The following CDIN1 variants were observed in gnomAD, a reference collection of about 807,000 sequenced individuals.
The protein encoded by CDIN1 is CDAN1-interacting nuclease 1.
In CDIN1, 33 loss-of-function variants were observed where a neutral mutation model predicts 45.3. The observed-to-expected ratio is 0.73, with a 90% CI of 0.55 to 0.97. CDIN1 has a LOEUF of 0.97. CDIN1 is among the 50% of genes least tolerant of loss of function. CDIN1 has a pLI of 0.00. For missense variants in CDIN1, 303 were observed against 339.4 expected (o/e 0.89, Z 0.84); for synonymous variants, 118 against 124.4 (o/e 0.95, Z 0.34).
intron 10 of CDIN1, among the ~76,000 whole-genome samples, chr15:36,741,711 C>T (rs2044245979): frequency 6.6e-6 from 1 of 151,168 alleles, no homozygotes; most frequent in African/African-American, 2.5e-5. Flanking sequence ...CTTCCTGTGT[C>T]TTCACATCAT....
At chr15:36,592,549 A>G (rs1354718046) in intron 1 of CDIN1, among the ~76,000 whole-genome samples, 3 of 152,198 alleles carry the variant, frequency 2.0e-5, no homozygotes, top group African/African-American at 4.8e-5. Context: ...AGAGACTCAC[A>G]CTACTACCAT....
At chr15:36,582,299 A>G (rs770496106) in intron 1 of CDIN1, among the ~76,000 whole-genome samples, 1 of 152,250 alleles carries the variant, frequency 6.6e-6, no homozygotes, top group Non-Finnish European at 1.5e-5. Context: ...CTGGGAGGCA[A>G]CCATCATACT....
chr15:36,633,476 T>C (rs983611683), intron 1 of CDIN1, among the ~76,000 whole-genome samples: 16 of 152,190 alleles, frequency 1.1e-4, no homozygotes, highest in Non-Finnish European at 1.5e-5. Flanking sequence ...TAAATGGTGT[T>C]AAATGTGAAT....
chr15:36,800,458 G>A (rs766133377), intron 10 of CDIN1, among the ~76,000 whole-genome samples: 8 of 152,010 alleles, frequency 5.3e-5, no homozygotes, highest in Non-Finnish European at 4.4e-5. Flanking sequence ...TATTGTACAC[G>A]TATTTACACA....
intron 1 of CDIN1, among the ~76,000 whole-genome samples, chr15:36,624,532 A>C (rs145316558): frequency 2.8e-4 from 43 of 152,296 alleles, no homozygotes; most frequent in African/African-American, 1.0e-3. Flanking sequence ...AGTTTTTTCA[A>C]ACTAATACAG....
chr15:36,773,339 T>G (rs1225921364), intron 10 of CDIN1, among the ~76,000 whole-genome samples: 1 of 152,264 alleles, frequency 6.6e-6, no homozygotes, highest in Admixed American at 6.5e-5. Context: ...TGGAAATGGT[T>G]TATATCTGTA....
intron 5 of CDIN1, chr15:36,691,031 T>G (rs574680759): frequency 2.4e-5 from 10 of 410,696 alleles, no homozygotes; most frequent in African/African-American, 2.1e-4. Flanking sequence ...TTGAGGCATA[T>G]TTTGGGTGGA....
At chr15:36,673,131 T>C (rs1486975689) in intron 5 of CDIN1, among the ~76,000 whole-genome samples, 1 of 152,082 alleles carries the variant, frequency 6.6e-6, no homozygotes, top group African/African-American at 2.4e-5. Flanking sequence ...TTTTTATTTC[T>C]AGTGGGAAGA....
intron 10 of CDIN1, among the ~76,000 whole-genome samples, chr15:36,793,177 CCTTT>C (rs1208213405): frequency 6.6e-6 from 1 of 152,176 alleles, no homozygotes; most frequent in Non-Finnish European, 1.5e-5. Context: ...CTCTTAACAA[CCTTT>C]CTGTTTCTTT....
At chr15:36,617,960 A>T in intron 1 of CDIN1, 1 of 764,978 alleles carries the variant, frequency 1.3e-6, no homozygotes, top group East Asian at 2.5e-5. Context: ...TAGTATCTAT[A>T]GTCAGCCCAT....
At position 36,722,303 on chromosome 15, in the gene CDIN1, A is replaced by ATCTCTCTCTCTCTCTCTCTCTC. The variant is rs5811928; in HGVS notation, c.716+12357_716+12378dup. Among the ~76,000 whole-genome samples the ATCTCTCTCTCTCTCTCTCTCTC allele has an allele frequency of 7.8e-4, 110 of 140,758 alleles. 2 individuals are homozygous for ATCTCTCTCTCTCTCTCTCTCTC. Among genetic ancestry groups the ATCTCTCTCTCTCTCTCTCTCTC allele is most frequent in the African/African-American group, 1.9e-3 (70 of 36,102 alleles). The allele number at this position is 140,758 out of a possible 152,430, so 92.3% of individuals were successfully genotyped here. A position where few individuals can be genotyped will look rare whatever the true frequency, so the allele number is the denominator to read the frequency against. ...GTCCTTCAGGTTACTTTCTTTTGAG[A>ATCTCTCTCTCTCTCTCTCTCTC]TCTCTCTCTCTCTCTCTCTCTCTCT... On this transcript the variant is annotated intron_variant, in intron 10 of 10. Coordinates refer to ENST00000566621, the MANE Select transcript of CDIN1 (RefSeq NM_001321759.2).
intron 10 of CDIN1, among the ~76,000 whole-genome samples, chr15:36,745,880 C>T (rs1249679023): frequency 6.6e-6 from 1 of 151,930 alleles, no homozygotes; most frequent in African/African-American, 2.4e-5. Flanking sequence ...GCAGGAGAAT[C>T]GCTTGAACCC....
intron 10 of CDIN1, among the ~76,000 whole-genome samples, chr15:36,767,498 G>A (rs565215980): frequency 6.6e-6 from 1 of 152,276 alleles, no homozygotes; most frequent in South Asian, 2.1e-4. Context: ...ACTATTTTAA[G>A]AGTTGACACA....
At chr15:36,800,903 GTGTGTGTATATATATATA>G (rs1193068570) in intron 10 of CDIN1, among the ~76,000 whole-genome samples, 74 of 20,026 alleles carry the variant, frequency 3.7e-3, no homozygotes, top group African/African-American at 8.6e-3. Flanking sequence ...GTGTGTGTGT[GTGTGTGTATATATATATA>G]TATATATATA....
intron 1 of CDIN1, among the ~76,000 whole-genome samples, chr15:36,612,183 A>G (rs1402557033): frequency 6.6e-6 from 1 of 152,176 alleles, no homozygotes; most frequent in Admixed American, 6.5e-5. Context: ...AGTAAGCGTA[A>G]GTTTCATGTG....
chr15:36,693,812 A>G lies in CDIN1; in HGVS notation c.476+1637A>G, dbSNP rs143486763. 1.4e-4 allele frequency among the ~76,000 whole-genome samples: 21 copies of G among 152,304 alleles called. No homozygotes were observed. The East Asian group carries it at 4.0e-3, about 29-fold the overall frequency. On this transcript the variant is annotated intron_variant, in intron 7 of 10. Coordinates refer to ENST00000566621, the MANE Select transcript of CDIN1 (RefSeq NM_001321759.2). ...CTGCCATACATCAATAATAGGTATT[A>G]TTATAGACAAAGTCTAAGTGTTTTT... is the stretch of plus-strand genomic sequence containing the variant.
chr15:36,752,970 A>G (rs577762440), intron 10 of CDIN1, among the ~76,000 whole-genome samples: 29 of 152,282 alleles, frequency 1.9e-4, no homozygotes, highest in African/African-American at 5.3e-4. Context: ...AAGAAATTTA[A>G]ACTATTAAAT....
intron 5 of CDIN1, among the ~76,000 whole-genome samples, chr15:36,658,816 C>G (rs961670169): frequency 1.3e-5 from 2 of 152,122 alleles, no homozygotes; most frequent in African/African-American, 4.8e-5. Flanking sequence ...GGGATTTTTT[C>G]CCTTTGATTT....
At chr15:36,619,262 CA>C (rs2039039688) in intron 1 of CDIN1, 1 of 1,202,130 alleles carries the variant, frequency 8.3e-7, no homozygotes, top group Admixed American at 2.7e-5. Context: ...CCCAGATCAC[CA>C]AAGTAAAAAA....
Sources: allele counts gnomAD v4.1 joint callset (sites outside exome capture counted in the v4.1 genomes callset), GRCh38; gene constraint gnomAD v4.1.1; transcripts MANE v1.5; gene names NCBI Gene and HGNC (gene_info 2026-07-23, HGNC 2026-07-21).